PRDM2: variants seen among roughly 807,000 people sequenced by gnomAD.
The protein encoded by PRDM2 is PR/SET domain 2, also known as PR domain zinc finger protein 2.
Under a neutral mutation model 130.0 loss-of-function variants are expected in PRDM2, and 30 were observed. That is an observed-to-expected ratio of 0.23 (90% CI 0.17 to 0.31). The LOEUF (loss-of-function observed/expected upper bound fraction) is 0.31. Ranked by LOEUF, PRDM2 falls within the 10% of genes least tolerant of loss-of-function variation. The pLI, the probability that PRDM2 is intolerant of heterozygous loss-of-function variation, is 1.00. For synonymous variants in PRDM2, 871 were observed against 782.4 expected (o/e 1.11, Z -1.89); for missense variants, 2,011 against 2,108.4 (o/e 0.95, Z 0.90).
chr1:13,767,684 T>C (rs1644261000), intron 6 of PRDM2, among the ~76,000 whole-genome samples: 1 of 152,028 alleles, frequency 6.6e-6, no homozygotes, highest in Non-Finnish European at 1.5e-5. Flanking sequence ...CTTTGTAAAG[T>C]AAGGTATGCT....
chr1:13,718,026 T>C (rs1331302634), intron 2 of PRDM2, among the ~76,000 whole-genome samples: 1 of 152,252 alleles, frequency 6.6e-6, no homozygotes. Context: ...CCAGTCATTC[T>C]TCAGGGTTAA....
rs202098822 is a variant in PRDM2, at chr1:13,782,001, G to T, written c.4206G>T (p.Arg1402Ser). 6.2e-7 allele frequency: 1 copy of T among 1,614,132 alleles called. No individual in the cohort carries two copies. Among genetic ancestry groups the T allele is most frequent in the African/African-American group, 1.3e-5 (1 of 75,022 alleles). Residue 1402 changes from arginine to serine, a missense_variant, in exon 8 of 10, where the codon AGG becomes AGT. Transcript: ENST00000311066. ...TCCGACGAATGGGACAGCCCAAAAG[G>T]CTTAACTTTAGTGTTGAGCTCAGCA... ...NAFRRMGQPK[R>S]LNFSVELSKM... is the part of the protein sequence containing the mutation.
chr1:13,746,098 T>G (rs1393955740), intron 5 of PRDM2, among the ~76,000 whole-genome samples: 1 of 152,230 alleles, frequency 6.6e-6, no homozygotes, highest in Non-Finnish European at 1.5e-5. Context: ...TTATATATGC[T>G]GATGTTTAAA....
chr1:13,799,187 T>C (rs1644969172), intron 8 of PRDM2, among the ~76,000 whole-genome samples: 2 of 152,200 alleles, frequency 1.3e-5, no homozygotes, highest in Admixed American at 1.3e-4. Flanking sequence ...CTCACGCCTG[T>C]AATCCTAGCA....
intron 8 of PRDM2, among the ~76,000 whole-genome samples, chr1:13,802,258 A>G (rs960388388): frequency 5.9e-5 from 9 of 152,162 alleles, no homozygotes; most frequent in Non-Finnish European, 2.9e-5. Context: ...TTCCCATGAC[A>G]GTGCCAGCCC....
intron 6 of PRDM2, chr1:13,770,476 C>T (rs1487932318): frequency 7.9e-6 from 2 of 252,332 alleles, no homozygotes; most frequent in East Asian, 3.1e-4. Context: ...ATATGACCTA[C>T]AGACTGGGTT....
intron 8 of PRDM2, chr1:13,787,260 G>A (rs938023882): frequency 4.1e-6 from 4 of 983,514 alleles, no homozygotes; most frequent in African/African-American, 3.5e-5. Context: ...CAGTGCACAG[G>A]CGCATCCCAG....
intron 8 of PRDM2, among the ~76,000 whole-genome samples, chr1:13,798,025 A>T (rs545449466): frequency 3.9e-4 from 59 of 152,196 alleles, no homozygotes; most frequent in Middle Eastern, 3.4e-3. Context: ...TCTTATAACA[A>T]CCCGGTGATA....
rs749805828 is a variant in PRDM2, at chr1:13,779,749, G to A, written c.1954G>A (p.Ala652Thr). ...ASPPALPKIK[A>T]ETDSDPMVPS... Reference sequence around the variant, plus strand: ...CCCACCTGCACTGCCCAAAATTAAGGCCGAAACAGACTCTGACCCCATGGT... The same window carrying A: ...CCCACCTGCACTGCCCAAAATTAAGACCGAAACAGACTCTGACCCCATGGT... The change falls in exon 8 of 10, where the codon GCC becomes ACC. Residue 652 changes from alanine to threonine, a missense_variant. By Grantham distance (58) the Ala-to-Thr change is moderately conservative. Coordinates refer to ENST00000311066, the MANE Select transcript of PRDM2 (RefSeq NM_001393986.1). The surrounding 1 kb of genome is among the most constrained non-coding windows in gnomAD (Gnocchi z 4.9). 1.2e-6 allele frequency: 2 copies of A among 1,614,136 alleles called. No individual in the cohort carries two copies. Among genetic ancestry groups the A allele is most frequent in the East Asian group, 2.2e-5 (1 of 44,872 alleles).
At chr1:13,754,439 C>G (rs919855911) in intron 6 of PRDM2, among the ~76,000 whole-genome samples, 6 of 152,154 alleles carry the variant, frequency 3.9e-5, no homozygotes, top group East Asian at 1.9e-4. Context: ...GATAACTTGT[C>G]CAAGATCACC....
chr1:13,719,206 T>C (rs1467177779), intron 2 of PRDM2, among the ~76,000 whole-genome samples: 1 of 152,188 alleles, frequency 6.6e-6, no homozygotes, highest in African/African-American at 2.4e-5. Flanking sequence ...AGGTGATTGC[T>C]AGTAGAACTG....
chr1:13,710,406 A>G (rs1297114538), intron 1 of PRDM2, among the ~76,000 whole-genome samples: 6 of 152,226 alleles, frequency 3.9e-5, no homozygotes, highest in African/African-American at 1.4e-4. Flanking sequence ...GGTTATATTG[A>G]TACTGATCAT....
intron 6 of PRDM2, among the ~76,000 whole-genome samples, chr1:13,750,521 T>C (rs1169673054): frequency 6.6e-6 from 1 of 152,168 alleles, no homozygotes; most frequent in Non-Finnish European, 1.5e-5. Context: ...AATAAAATCA[T>C]ATCGTAAACT....
At chr1:13,791,818 G>GT (rs1270567031) in intron 8 of PRDM2, among the ~76,000 whole-genome samples, 2 of 152,228 alleles carry the variant, frequency 1.3e-5, no homozygotes, top group Non-Finnish European at 2.9e-5. Context: ...CCTGTTGCGG[G>GT]TAATAGGATT....
At chr1:13,751,111 T>G (rs1643821959) in intron 6 of PRDM2, among the ~76,000 whole-genome samples, 2 of 152,218 alleles carry the variant, frequency 1.3e-5, no homozygotes, top group African/African-American at 4.8e-5. Flanking sequence ...ACTCTTTTGC[T>G]TTTTTGTTTA....
At chr1:13,800,798 G>T (rs992488967) in intron 8 of PRDM2, among the ~76,000 whole-genome samples, 2 of 150,572 alleles carry the variant, frequency 1.3e-5, no homozygotes, top group Non-Finnish European at 2.9e-5. Context: ...AAGGAGGGTT[G>T]GGGGGGGTCT....
intron 1 of PRDM2, among the ~76,000 whole-genome samples, chr1:13,711,224 T>C (rs1246917094): frequency 1.3e-5 from 2 of 152,164 alleles, no homozygotes; most frequent in African/African-American, 2.4e-5. Flanking sequence ...GGAGATACCA[T>C]GTATTAGTTA....
chr1:13,780,661 C>G lies in PRDM2; in HGVS notation c.2866C>G (p.Leu956Val), dbSNP rs141757171. 1.9e-6 allele frequency: 3 copies of G among 1,612,300 alleles called. No individual in the cohort carries two copies. In the African/African-American group the frequency reaches 4.0e-5, roughly 22 times the overall value. Residue 956 changes from leucine to valine, a missense_variant, in exon 8 of 10, where the codon CTT becomes GTT. Physicochemically the swap from Leu to Val is conservative, Grantham distance 32 (BLOSUM62 1). Coordinates refer to ENST00000311066, the MANE Select transcript of PRDM2 (RefSeq NM_001393986.1). ...PSSPALQTPSLSSGQLPPLLI... is the reference protein window; with the variant it reads ...PSSPALQTPSVSSGQLPPLLI... ...ATCACCTGCCCTGCAGACACCCTCCCTTTCATCCGGTCAGCTGCCTCCTCT... is the reference window on the plus strand; with the variant it reads ...ATCACCTGCCCTGCAGACACCCTCCGTTTCATCCGGTCAGCTGCCTCCTCT...
chr1:13,772,974 G>A (rs1040275782), intron 6 of PRDM2, 104 bp from the exon 7 acceptor site: 4 of 688,832 alleles, frequency 5.8e-6, no homozygotes, highest in Non-Finnish European at 9.4e-6. Context: ...TTCTTGATTG[G>A]ATTAATAATT....
Sources: gnomAD v4.1 joint callset for allele counts (sites outside exome capture counted in the v4.1 genomes callset) on GRCh38, gnomAD v4.1.1 for gene constraint, Gnocchi (gnomAD v3.1) non-coding constraint, MANE v1.5 for transcripts, NCBI Gene and HGNC (gene_info 2026-07-23, HGNC 2026-07-21) for gene names.